Variants in SOX5 observed in about 807,000 individuals in gnomAD.
The protein encoded by SOX5 is SRY-box transcription factor 5.
A neutral mutation model predicts 92.0 loss-of-function variants in SOX5; 9 were observed. The observed-to-expected ratio is 0.10, with a 90% CI of 0.06 to 0.17. The LOEUF (loss-of-function observed/expected upper bound fraction) is 0.17, where lower values mean the gene tolerates loss of function less well. Ranked by LOEUF, SOX5 falls within the 10% of genes least tolerant of loss-of-function variation. The pLI is 1.00. For missense variants in SOX5, 642 were observed against 944.5 expected (o/e 0.68, Z 4.20); for synonymous variants, 344 against 336.3 (o/e 1.02, Z -0.25).
intron 1 of SOX5, 46 bp downstream of exon 1, chr12:23,949,518 G>GC: frequency 6.2e-7 from 1 of 1,609,280 alleles, no homozygotes; most frequent in African/African-American, 1.3e-5. Context: ...ACTGTAAAAT[G>GC]GGAGAGTTGT....
intron 6 of SOX5, among the ~76,000 whole-genome samples, chr12:23,706,446 G>T (rs1438534074): frequency 2.6e-5 from 4 of 151,934 alleles, no homozygotes; most frequent in Non-Finnish European, 4.4e-5. Context: ...CTAAATGAAA[G>T]CATGTCAAAT....
At chr12:23,615,077 C>T (rs2076394685) in intron 8 of SOX5, among the ~76,000 whole-genome samples, 1 of 152,192 alleles carries the variant, frequency 6.6e-6, no homozygotes, top group South Asian at 2.1e-4. Context: ...GCTGGGATTA[C>T]AGGCGTGAGC....
At chr12:23,831,265 G>A (rs1460956131) in intron 3 of SOX5, among the ~76,000 whole-genome samples, 1 of 152,058 alleles carries the variant, frequency 6.6e-6, no homozygotes, top group Non-Finnish European at 1.5e-5. Flanking sequence ...AAACAATAAT[G>A]TTGATTTTTT....
intron 4 of SOX5, among the ~76,000 whole-genome samples, chr12:23,958,338 A>G (rs1946509230): frequency 6.6e-6 from 1 of 152,082 alleles, no homozygotes; most frequent in Non-Finnish European, 1.5e-5. Context: ...TTTTCTGACC[A>G]TCTTTTCTGG....
chr12:24,135,956 G>A (rs544692727), intron 4 of SOX5, among the ~76,000 whole-genome samples: 1 of 152,256 alleles, frequency 6.6e-6, no homozygotes, highest in Non-Finnish European at 1.5e-5. Context: ...ACCATTAAAG[G>A]TTTTTTTAAA....
At chr12:23,983,304 C>T (rs1300768451) in intron 4 of SOX5, among the ~76,000 whole-genome samples, 1 of 152,136 alleles carries the variant, frequency 6.6e-6, no homozygotes, top group Non-Finnish European at 1.5e-5. Context: ...CTGAGTGATT[C>T]TCCAACTTTT....
chr12:24,197,273 T>C (rs1334664024), intron 4 of SOX5, among the ~76,000 whole-genome samples: 1 of 152,178 alleles, frequency 6.6e-6, no homozygotes, highest in Admixed American at 6.5e-5. Flanking sequence ...ATATAAAATA[T>C]TCCGTCAGAA....
At chr12:24,084,551 C>T (rs1943738128) in intron 4 of SOX5, among the ~76,000 whole-genome samples, 1 of 152,030 alleles carries the variant, frequency 6.6e-6, no homozygotes, top group Admixed American at 6.6e-5. Flanking sequence ...GTCCTCTATA[C>T]ATTTCATTTC....
At chr12:24,556,872 A>G (rs1953836123) in intron 1 of SOX5, among the ~76,000 whole-genome samples, 2 of 151,886 alleles carry the variant, frequency 1.3e-5, no homozygotes, top group Admixed American at 1.3e-4. Flanking sequence ...AAAGTGATAC[A>G]TTTTTTCTTT....
At chr12:23,675,964 T>C (rs1040503029) in intron 6 of SOX5, among the ~76,000 whole-genome samples, 6 of 152,106 alleles carry the variant, frequency 3.9e-5, no homozygotes, top group African/African-American at 1.2e-4. Context: ...TCTATTAGGA[T>C]GGCTATTATC....
intron 3 of SOX5, among the ~76,000 whole-genome samples, chr12:23,825,393 G>A (rs1005483251): frequency 2.6e-5 from 4 of 152,126 alleles, no homozygotes; most frequent in Non-Finnish European, 5.9e-5. Flanking sequence ...CTCACCCTCC[G>A]TGGGGTGCAC....
intron 4 of SOX5, among the ~76,000 whole-genome samples, chr12:23,995,774 T>C (rs1229812622): frequency 5.3e-5 from 8 of 152,178 alleles, no homozygotes; most frequent in African/African-American, 1.9e-4. Flanking sequence ...AGTGATAATA[T>C]TAAAAGCTAA....
intron 2 of SOX5, among the ~76,000 whole-genome samples, chr12:24,330,079 T>C (rs1017113033): frequency 2.6e-5 from 4 of 151,606 alleles, no homozygotes; most frequent in African/African-American, 9.7e-5. Flanking sequence ...ACCAATAGAA[T>C]TACGAATAGA....
intron 4 of SOX5, among the ~76,000 whole-genome samples, chr12:24,165,987 C>T (rs947048380): frequency 2.0e-5 from 3 of 151,714 alleles, no homozygotes; most frequent in Admixed American, 1.3e-4. Context: ...CTAGAAGCAG[C>T]GATATGTTTA....
intron 1 of SOX5, among the ~76,000 whole-genome samples, chr12:23,902,390 C>T (rs766518774): frequency 2.5e-4 from 38 of 152,080 alleles, no homozygotes; most frequent in Non-Finnish European, 4.9e-4. Flanking sequence ...GTTGTTCTTT[C>T]GGCATGATAA....
intron 11 of SOX5, among the ~76,000 whole-genome samples, chr12:23,549,257 G>A (rs1943722803): frequency 6.6e-6 from 1 of 151,910 alleles, no homozygotes; most frequent in African/African-American, 2.4e-5. Context: ...TGTTGAAAAT[G>A]GGAAACACCA....
chr12:24,246,295 T>TA (rs1300714970), intron 3 of SOX5, among the ~76,000 whole-genome samples: 4 of 149,122 alleles, frequency 2.7e-5, no homozygotes, highest in Non-Finnish European at 6.0e-5. Flanking sequence ...TTTTTTTTTT[T>TA]AAAAGATTGT....
chr12:23,992,448 A>C (rs1950653154), intron 4 of SOX5, among the ~76,000 whole-genome samples: 1 of 152,168 alleles, frequency 6.6e-6, no homozygotes, highest in South Asian at 2.1e-4. Flanking sequence ...TTCATACATA[A>C]TTTGCAAAGT....
chr12:24,511,174 C>G (rs1460074496), intron 1 of SOX5, among the ~76,000 whole-genome samples: 1 of 152,130 alleles, frequency 6.6e-6, no homozygotes, highest in Non-Finnish European at 1.5e-5. Flanking sequence ...TCCTTTAGAC[C>G]CCTCTCCCTT....
Sources: gnomAD v4.1 joint callset for allele counts (sites outside exome capture counted in the v4.1 genomes callset) on GRCh38, gnomAD v4.1.1 for gene constraint, MANE v1.5 for transcripts, NCBI Gene and HGNC (gene_info 2026-07-23, HGNC 2026-07-21) for gene names.